PDK2: variants seen among roughly 807,000 people sequenced by gnomAD.
The protein encoded by PDK2 is pyruvate dehydrogenase kinase 2.
A neutral mutation model predicts 50.4 loss-of-function variants in PDK2; 34 were observed. The ratio of observed to expected loss-of-function variants is 0.68; its 90% confidence interval spans 0.51 to 0.90. The LOEUF (loss-of-function observed/expected upper bound fraction) is 0.90. Among genes scored for constraint, PDK2 ranks in the 40% least tolerant of loss-of-function variants. The probability of loss-of-function intolerance (pLI) is 0.00; values close to 1 mark genes in which losing one functional copy is unlikely to be tolerated. For synonymous variants in PDK2, 232 were observed against 216.0 expected, an observed-to-expected ratio of 1.07 and a Z score of -0.65; for missense variants, 377 against 544.5, an observed-to-expected ratio of 0.69 and a Z score of 3.06.
chr17:50,096,192 G>GC (rs1909931683), intron 1 of PDK2: 3 of 985,584 alleles, frequency 3.0e-6, no homozygotes, highest in Non-Finnish European at 3.6e-6. Flanking sequence ...ATCTGTTCCG[G>GC]CCTGGCAGCC....
In PDK2 at chr17:50,109,397, C is replaced by G. The variant is rs149685134; in HGVS notation, c.1080C>G (p.Leu360=). The change falls in exon 10 of 11, where the codon CTC becomes CTG. Residue 360 remains leucine, a synonymous_variant. Coordinates refer to ENST00000503176, the MANE Select transcript of PDK2 (RefSeq NM_002611.5). This position sits in a 1 kb window ranked among gnomAD's most constrained non-coding sequence, Gnocchi z 5.0. ...EGFGTDAVIY[L]KALSTDSVER... ...TTGGGACCGATGCTGTCATCTATCT[C>G]AAGGTGAGGGCCCTTCCCGCAGAGC... The G allele has an allele frequency of 6.9e-6, 11 of 1,599,350 alleles. No individual in the cohort carries two copies. Among genetic ancestry groups the G allele is most frequent in the Non-Finnish European group, 9.4e-6 (11 of 1,167,936 alleles).
At chr17:50,106,728 G>C in intron 4 of PDK2, 66 bp from the exon 5 acceptor site, 2 of 1,340,860 alleles carry the variant, frequency 1.5e-6, no homozygotes, top group East Asian at 2.3e-5. Flanking sequence ...AGGAAAGCCC[G>C]GGGGAAGAGG....
intron 2 of PDK2, among the ~76,000 whole-genome samples, chr17:50,102,937 C>T (rs1910312287): frequency 6.6e-6 from 1 of 152,208 alleles, no homozygotes; most frequent in Non-Finnish European, 1.5e-5. Context: ...GGTTTGAATC[C>T]CAACCTGCTG....
At chr17:50,102,437 A>T (rs1910284941) in intron 2 of PDK2, among the ~76,000 whole-genome samples, 2 of 152,038 alleles carry the variant, frequency 1.3e-5, no homozygotes, top group South Asian at 4.1e-4. Flanking sequence ...TGGGACTTTG[A>T]CCATGCCCAC....
chr17:50,108,524 T>C (rs1256253374), intron 8 of PDK2, 88 bp from the exon 9 acceptor site: 5 of 1,279,050 alleles, frequency 3.9e-6, no homozygotes, highest in Non-Finnish European at 5.5e-6. Context: ...ATCCTGGGGG[T>C]GGGGAAGACC....
intron 4 of PDK2, chr17:50,106,413 A>AT (rs11449945): frequency 0.66 from 297,142 of 448,486 alleles, 101,635 homozygotes; most frequent in East Asian, 0.95. Flanking sequence ...ATTCACTATG[A>AT]TTTTTGAGAA....
At chr17:50,107,300 G>A in intron 6 of PDK2, 147 bp downstream of exon 6, 1 of 668,390 alleles carries the variant, frequency 1.5e-6, no homozygotes, top group African/African-American at 1.8e-5. Context: ...AAATATTTGG[G>A]CTGGGCACAG....
chr17:50,097,219 G>A (rs376039771), intron 1 of PDK2, among the ~76,000 whole-genome samples: 3 of 152,306 alleles, frequency 2.0e-5, no homozygotes, highest in East Asian at 1.9e-4. Context: ...CTGGGGATGA[G>A]GAGAGGATGA....
chr17:50,095,268 A>G (rs1909867989), upstream of PDK2: 2 of 565,622 alleles, frequency 3.5e-6, no homozygotes, highest in South Asian at 2.2e-5. Context: ...GTTGTTTGTG[A>G]GTGGCCATTG....
intron 6 of PDK2, 199 bp from the exon 7 acceptor site, chr17:50,107,957 G>A: frequency 3.3e-6 from 2 of 609,928 alleles, no homozygotes; most frequent in South Asian, 1.9e-5. Flanking sequence ...CAAGGGTGTG[G>A]AAAGCAGGGC....
chr17:50,099,480 G>C (rs10491147), intron 2 of PDK2, among the ~76,000 whole-genome samples: 19,721 of 152,274 alleles, frequency 0.13, 1,829 homozygotes, highest in East Asian at 0.34. Flanking sequence ...TTAGACAAGA[G>C]AGAACACTTC....
In PDK2 at chr17:50,108,137, G is replaced by A. The variant is rs974556290; in HGVS notation, c.686-19G>A. 17 of 1,577,374 alleles carry A rather than the reference G, an allele frequency of 1.1e-5. No homozygotes were observed. The highest frequency in any genetic ancestry group is 1.5e-5 in the Non-Finnish European group (17 of 1,159,230). On this transcript the variant is annotated intron_variant, in intron 6 of 10. Coordinates refer to ENST00000503176, the MANE Select transcript of PDK2 (RefSeq NM_002611.5). Reference sequence around the variant, plus strand: ...CCTCCTGACGGTTTCCTGACCCTTGGTCTTGACTTGCCCTGTAGCAGCCAA... The same window carrying A: ...CCTCCTGACGGTTTCCTGACCCTTGATCTTGACTTGCCCTGTAGCAGCCAA...
In PDK2 at chr17:50,110,665, G is replaced by A. The variant is rs1305255491; in HGVS notation, c.*568G>A. On this transcript the variant is annotated 3_prime_UTR_variant, in exon 11 of 11. Coordinates refer to ENST00000503176, the MANE Select transcript of PDK2 (RefSeq NM_002611.5). ...CTTGAAGGTCGGTGGCGGAGGGGGT[G>A]GCTCTCACAGGGCCCAACTCTAAAG... 6.6e-6 allele frequency: 1 copy of A among 152,214 alleles called. No homozygotes were observed. The highest frequency in any genetic ancestry group is 1.5e-5 in the Non-Finnish European group (1 of 68,068). The allele number at this position is 152,214 out of a possible 1,614,324, so 9.4% of individuals were successfully genotyped here.
intron 2 of PDK2, among the ~76,000 whole-genome samples, chr17:50,104,852 C>A (rs994113613): frequency 1.1e-4 from 16 of 152,196 alleles, no homozygotes; most frequent in African/African-American, 3.9e-4. Flanking sequence ...TCTGGGAGGC[C>A]CCGTGCTGTC....
rs1910748767 is a variant in PDK2 at position 50,110,070 on chromosome 17, G to A, written c.1197G>A (p.Lys399=). 6.2e-7 allele frequency: 1 copy of A among 1,610,990 alleles called. No homozygotes were observed. The highest frequency in any genetic ancestry group is 1.7e-5 in the Admixed American group (1 of 59,790). ...GDWCVPSTEP[K]NTSTYRVS Reference sequence around the variant, plus strand: ...GGTGTGTGCCCAGCACGGAGCCCAAGAACACGTCCACGTACCGCGTCAGCT... The same window carrying A: ...GGTGTGTGCCCAGCACGGAGCCCAAAAACACGTCCACGTACCGCGTCAGCT... The change falls in exon 11 of 11, where the codon AAG becomes AAA. Residue 399 remains lysine, a synonymous_variant. Coordinates refer to ENST00000503176, the MANE Select transcript of PDK2 (RefSeq NM_002611.5).
Position 50,108,689 on chromosome 17 carries a change from C to T in PDK2, c.939C>T (p.Thr313=). 2 of 1,612,862 alleles carry T rather than the reference C, an allele frequency of 1.2e-6. No homozygotes were observed. Among genetic ancestry groups the T allele is most frequent in the Non-Finnish European group, 1.7e-6 (2 of 1,179,474 alleles). Residue 313 remains threonine, a synonymous_variant, in exon 9 of 11, where the codon ACC becomes ACT. Coordinates refer to ENST00000503176, the MANE Select transcript of PDK2 (RefSeq NM_002611.5). ...LFSYMYSTAP[T]PQPGTGGTPL... is the part of the protein sequence containing the mutation. ...GCTACATGTACTCCACAGCACCCAC[C>T]CCCCAGCCTGGCACCGGGGGAACGC...
chr17:50,097,845 A>G, intron 2 of PDK2: 1 of 356,074 alleles, frequency 2.8e-6, no homozygotes. Context: ...TTTCACAGCC[A>G]AAACCCCAAT....
At chr17:50,096,588 C>T (rs766821424) in intron 1 of PDK2, among the ~76,000 whole-genome samples, 5 of 152,144 alleles carry the variant, frequency 3.3e-5, no homozygotes, top group Non-Finnish European at 5.9e-5. Context: ...CTTGAGCCTC[C>T]CCCATGTAGG....
In PDK2 at chr17:50,106,289, T is replaced by C. The variant is rs566061585; in HGVS notation, c.517+220T>C. 6.0e-5 allele frequency: 75 copies of C among 1,258,778 alleles called. No individual in the cohort carries two copies. The Middle Eastern group carries it at 1.1e-3, about 18-fold the overall frequency. 78.0% of individuals were successfully genotyped at this position (1,258,778 alleles called of 1,614,324 possible). The stretch of plus-strand genomic sequence containing the variant: ...TTTCAAAACGTTTTGTTTTCAGTGT[T>C]TGCAAAATGTAAAATTATGTCACAT... On this transcript the variant is annotated intron_variant, in intron 4 of 10. Coordinates refer to ENST00000503176, the MANE Select transcript of PDK2 (RefSeq NM_002611.5).
Sources: allele counts gnomAD v4.1 joint callset (sites outside exome capture counted in the v4.1 genomes callset), GRCh38; gene constraint gnomAD v4.1.1; non-coding constraint Gnocchi (gnomAD v3.1); transcripts MANE v1.5; gene names NCBI Gene and HGNC (gene_info 2026-07-23, HGNC 2026-07-21).